TMEM163: variants seen among roughly 807,000 people sequenced by gnomAD.
TMEM163 encodes transmembrane protein 163.
In TMEM163, 17 loss-of-function variants were observed where a neutral mutation model predicts 29.3. The observed-to-expected ratio is 0.58, with a 90% CI of 0.40 to 0.87. The LOEUF is 0.87. Ranked by LOEUF, TMEM163 falls within the 40% of genes least tolerant of loss-of-function variation. The pLI, the probability that TMEM163 is intolerant of heterozygous loss-of-function variation, is 0.00. For missense variants in TMEM163, 303 were observed against 381.5 expected (o/e 0.79, Z 1.71); for synonymous variants, 157 against 160.6 (o/e 0.98, Z 0.17).
chr2:134,465,590 C>T lies in TMEM163; in HGVS notation c.667+524G>A, dbSNP rs369864616. 2.0e-5 allele frequency among the ~76,000 whole-genome samples: 3 copies of T among 152,324 alleles called. No individual in the cohort carries two copies. The East Asian group carries it at 5.8e-4, about 29-fold the overall frequency. On this transcript the variant is annotated intron_variant, in intron 6 of 7. Coordinates refer to ENST00000281924, the MANE Select transcript of TMEM163 (RefSeq NM_030923.5). Reference sequence around the variant, plus strand: ...AGGTCATAAAGAAAGTTCCTCCTGTCCCACAGGGACACACACAGACTTTTC... The same window carrying T: ...AGGTCATAAAGAAAGTTCCTCCTGTTCCACAGGGACACACACAGACTTTTC...
chr2:134,621,417 G>GT (rs1276804351), intron 2 of TMEM163, among the ~76,000 whole-genome samples: 1 of 152,206 alleles, frequency 6.6e-6, no homozygotes, highest in Non-Finnish European at 1.5e-5. Flanking sequence ...CAGTTTGACA[G>GT]TTTCTAAAAA....
At chr2:134,639,903 G>A (rs994290852) in intron 2 of TMEM163, among the ~76,000 whole-genome samples, 6 of 152,208 alleles carry the variant, frequency 3.9e-5, no homozygotes, top group Admixed American at 6.5e-5. Flanking sequence ...TCAGCAAGCC[G>A]CTTCTTTCAG....
At chr2:134,531,709 C>CT (rs141999559) in intron 4 of TMEM163, among the ~76,000 whole-genome samples, 12,006 of 152,208 alleles carry the variant, frequency 0.079, 882 homozygotes, top group African/African-American at 0.19. Flanking sequence ...CTTCCATGCC[C>CT]TCTGGGGTGC....
At chr2:134,680,652 T>C (rs527376958) in intron 2 of TMEM163, among the ~76,000 whole-genome samples, 2 of 152,214 alleles carry the variant, frequency 1.3e-5, no homozygotes, top group Admixed American at 1.3e-4. Context: ...CTTTGTATGT[T>C]GGGCAGTTAC....
intron 4 of TMEM163, among the ~76,000 whole-genome samples, chr2:134,536,858 G>C (rs2106501515): frequency 6.6e-6 from 1 of 152,130 alleles, no homozygotes; most frequent in South Asian, 2.1e-4. Flanking sequence ...CTAGGTCTAG[G>C]GCCTACAGGC....
At chr2:134,649,628 G>C (rs529263609) in intron 2 of TMEM163, among the ~76,000 whole-genome samples, 42 of 152,200 alleles carry the variant, frequency 2.8e-4, no homozygotes, top group African/African-American at 1.0e-3. Flanking sequence ...AAATATGGAT[G>C]CATATTTTAA....
At chr2:134,526,421 C>T (rs914645298) in intron 4 of TMEM163, among the ~76,000 whole-genome samples, 1 of 152,114 alleles carries the variant, frequency 6.6e-6, no homozygotes, top group African/African-American at 2.4e-5. Context: ...TCCTACAGCA[C>T]CACTAATAAT....
rs749137385 is a variant in TMEM163, at chr2:134,466,146, T to G, written c.635A>C (p.Lys212Thr). ...TATGAGTGCTCTACTGGTCAGAACCTTCCCCAGCATGAACTTCAACACGGC... is the reference window on the plus strand; with the variant it reads ...TATGAGTGCTCTACTGGTCAGAACCGTCCCCAGCATGAACTTCAACACGGC... ...ILAVLKFMLG[K>T]VLTSRALITD... The change falls in exon 6 of 8, where the codon AAG becomes ACG. Residue 212 changes from lysine (K) to threonine (T), a missense_variant. By Grantham distance (78) the Lys-to-Thr change is moderately conservative. Transcript: ENST00000281924. The G allele has an allele frequency of 6.2e-7, 1 of 1,613,872 alleles. No homozygotes were observed. Among genetic ancestry groups the G allele is most frequent in the Non-Finnish European group, 8.5e-7 (1 of 1,179,970 alleles).
At chr2:134,548,219 C>T (rs1339156160) in intron 4 of TMEM163, among the ~76,000 whole-genome samples, 2 of 151,534 alleles carry the variant, frequency 1.3e-5, no homozygotes, top group Admixed American at 1.3e-4. Flanking sequence ...TTTTTAAAAG[C>T]TAAAGCAAAA....
At chr2:134,666,704 T>G (rs1175406223) in intron 2 of TMEM163, among the ~76,000 whole-genome samples, 3 of 152,194 alleles carry the variant, frequency 2.0e-5, no homozygotes. Flanking sequence ...GTTCCACCAA[T>G]TCCTCATTTT....
In TMEM163 at chr2:134,644,671, A is replaced by G. The variant is rs942932761; in HGVS notation, c.322+68529T>C. 3.9e-5 allele frequency among the ~76,000 whole-genome samples: 6 copies of G among 152,314 alleles called. No individual in the cohort carries two copies. In the East Asian group the frequency reaches 9.6e-4, roughly 24 times the overall value. On this transcript the variant is annotated intron_variant, in intron 2 of 7. Transcript: ENST00000281924. The stretch of plus-strand genomic sequence containing the variant: ...AACATAAAACTATCAAAATTTTAGA[A>G]AAAACATAGGAGAAATCCGTTGGGA...
At chr2:134,663,340 G>A (rs955452990) in intron 2 of TMEM163, among the ~76,000 whole-genome samples, 2 of 152,142 alleles carry the variant, frequency 1.3e-5, no homozygotes, top group African/African-American at 2.4e-5. Context: ...CCTTTGATCT[G>A]GTAAGTGAGG....
intron 2 of TMEM163, among the ~76,000 whole-genome samples, chr2:134,700,933 A>ATACATAAATAC (rs1558996871): frequency 3.6e-5 from 3 of 82,744 alleles, no homozygotes; most frequent in African/African-American, 2.6e-4. Flanking sequence ...TAAATAAATA[A>ATACATAAATAC]ATAAATAAAT....
chr2:134,462,963 C>T (rs1022393239), intron 6 of TMEM163, among the ~76,000 whole-genome samples: 3 of 152,206 alleles, frequency 2.0e-5, no homozygotes, highest in African/African-American at 7.2e-5. Flanking sequence ...GGATAAAGAT[C>T]CCACAGATCT....
intron 2 of TMEM163, among the ~76,000 whole-genome samples, chr2:134,563,311 T>C (rs1681224830): frequency 6.6e-6 from 1 of 152,186 alleles, no homozygotes; most frequent in African/African-American, 2.4e-5. Context: ...TAAAGCTGCC[T>C]GCTGCTCCCT....
At chr2:134,594,651 C>T (rs889132933) in intron 2 of TMEM163, among the ~76,000 whole-genome samples, 3 of 152,198 alleles carry the variant, frequency 2.0e-5, no homozygotes, top group African/African-American at 7.2e-5. Flanking sequence ...TGGCAGAAAG[C>T]CTGCTTGCTG....
chr2:134,588,162 C>A (rs981992433), intron 2 of TMEM163, among the ~76,000 whole-genome samples: 18 of 152,184 alleles, frequency 1.2e-4, no homozygotes. Context: ...TTCCAAAAAT[C>A]CCACTCCTGG....
At chr2:134,525,008 T>A (rs1189027125) in intron 4 of TMEM163, among the ~76,000 whole-genome samples, 1 of 134,516 alleles carries the variant, frequency 7.4e-6, no homozygotes, top group Non-Finnish European at 1.6e-5. Context: ...CGTTCCTATT[T>A]CTCCACAGCC....
At chr2:134,623,971 A>G (rs566199636) in intron 2 of TMEM163, among the ~76,000 whole-genome samples, 14 of 152,320 alleles carry the variant, frequency 9.2e-5, no homozygotes, top group African/African-American at 2.9e-4. Context: ...TAAGATGACT[A>G]CTTGTTCTCA....
Sources: gnomAD v4.1 joint callset for allele counts (sites outside exome capture counted in the v4.1 genomes callset) on GRCh38, gnomAD v4.1.1 for gene constraint, MANE v1.5 for transcripts, NCBI Gene and HGNC (gene_info 2026-07-23, HGNC 2026-07-21) for gene names.